The following HS3ST3B1 variants were observed in gnomAD, a reference collection of about 807,000 sequenced individuals.
HS3ST3B1 encodes the protein heparan sulfate glucosamine 3-O-sulfotransferase 3B1.
Under a neutral mutation model 21.3 loss-of-function variants are expected in HS3ST3B1, and 13 were observed. The ratio of observed to expected loss-of-function variants is 0.61; its 90% confidence interval spans 0.40 to 0.97. The LOEUF (loss-of-function observed/expected upper bound fraction) is 0.97. HS3ST3B1 is among the 50% of genes least tolerant of loss of function. The pLI, the probability that HS3ST3B1 is intolerant of heterozygous loss-of-function variation, is 0.00. For synonymous variants in HS3ST3B1, 234 were observed against 254.8 expected (o/e 0.92, Z 0.78); for missense variants, 459 against 554.8 (o/e 0.83, Z 1.73).
intron 1 of HS3ST3B1, among the ~76,000 whole-genome samples, chr17:14,326,474 AT>A (rs1909820738): frequency 6.6e-6 from 1 of 152,158 alleles, no homozygotes; most frequent in Non-Finnish European, 1.5e-5. Context: ...TTCTAACCTT[AT>A]TTGCCATCAT....
rs34065582 is a variant in HS3ST3B1 at position 14,322,898 on chromosome 17, C to CTTTTTTTTTTT, written c.554+20838_554+20848dup. Among the ~76,000 whole-genome samples, 11 of 94,586 alleles carry CTTTTTTTTTTT rather than the reference C, an allele frequency of 1.2e-4. 1 individual carries two copies. The highest frequency in any genetic ancestry group is 1.5e-4 in the Non-Finnish European group (7 of 46,128). The allele number at this position is 94,586 out of a possible 152,430, so 62.1% of individuals were successfully genotyped here. ...TGAGAAGCGAGATTTGTGTCTATGT[C>CTTTTTTTTTTT]TTTTTTTTTTTTTTTTTTTTTTGTT... On this transcript the variant is annotated intron_variant, in intron 1 of 1. Transcript: ENST00000360954.
At chr17:14,313,093 G>GGT (rs1555548187) in intron 1 of HS3ST3B1, among the ~76,000 whole-genome samples, 45 of 68,082 alleles carry the variant, frequency 6.6e-4, no homozygotes, top group East Asian at 2.3e-3. Flanking sequence ...GTGTGTGTGT[G>GGT]GTGTGTGTGT....
At chr17:14,329,349 GAAA>G (rs1909914971) in intron 1 of HS3ST3B1, 8 of 100,538 alleles carry the variant, frequency 8.0e-5, no homozygotes, top group East Asian at 2.9e-4. Context: ...AAGAAAGAAA[GAAA>G]GAAAGAAAGA....
At chr17:14,331,873 T>C (rs994250545) in intron 1 of HS3ST3B1, among the ~76,000 whole-genome samples, 2 of 152,084 alleles carry the variant, frequency 1.3e-5, no homozygotes, top group African/African-American at 4.8e-5. Flanking sequence ...TGAGGCTTCC[T>C]AGGAAAGGAA....
At chr17:14,302,957 G>T (rs1368225850) in intron 1 of HS3ST3B1, among the ~76,000 whole-genome samples, 2 of 152,176 alleles carry the variant, frequency 1.3e-5, no homozygotes, top group African/African-American at 4.8e-5. Context: ...CGCGGCTTCC[G>T]GAAATTCTGT....
At chr17:14,329,044 C>G (rs936883453) in intron 1 of HS3ST3B1, 133 of 152,116 alleles carry the variant, frequency 8.7e-4, no homozygotes, top group African/African-American at 2.9e-3. Context: ...AAGTAGGGTT[C>G]TGTTGGTTGA....
intron 1 of HS3ST3B1, among the ~76,000 whole-genome samples, chr17:14,335,996 A>G (rs1207898806): frequency 6.6e-6 from 1 of 152,216 alleles, no homozygotes; most frequent in African/African-American, 2.4e-5. Context: ...AAAAAACGAG[A>G]AAGAGTCTTT....
At position 14,346,022 on chromosome 17, in the gene HS3ST3B1, C is replaced by T. The variant is rs902130060; in HGVS notation, c.*376C>T. 5.4e-5 allele frequency: 11 copies of T among 203,772 alleles called. No individual in the cohort carries two copies. Among genetic ancestry groups the T allele is most frequent in the Non-Finnish European group, 8.9e-5 (9 of 101,018 alleles). 12.6% of individuals were successfully genotyped at this position (203,772 alleles called of 1,614,324 possible). A position where few individuals can be genotyped will look rare whatever the true frequency, so the allele number is the denominator to read the frequency against. On this transcript the variant is annotated 3_prime_UTR_variant, in exon 2 of 2. Transcript: ENST00000360954. ...TCTTGTCTTGGGTCTCCCATTCCAG[C>T]TTCCCTGTCTCTTCCTGCCTGTGTA... is the stretch of plus-strand genomic sequence containing the variant.
chr17:14,338,402 A>C (rs879521582), intron 1 of HS3ST3B1, among the ~76,000 whole-genome samples: 1 of 151,540 alleles, frequency 6.6e-6, no homozygotes, highest in African/African-American at 2.4e-5. Context: ...AGGATTACAG[A>C]TGTGAGCCAA....
chr17:14,313,102 G>GTGTATATATATACATATATATATA, intron 1 of HS3ST3B1, among the ~76,000 whole-genome samples: 3 of 95,692 alleles, frequency 3.1e-5, no homozygotes, highest in East Asian at 7.9e-4. Context: ...TGGTGTGTGT[G>GTGTATATATATACATATATATATA]TGTGTGTATA....
At chr17:14,330,084 C>A (rs35455107) in intron 1 of HS3ST3B1, among the ~76,000 whole-genome samples, 2,592 of 152,332 alleles carry the variant, frequency 0.017, 37 homozygotes, top group Non-Finnish European at 0.028. Context: ...CACAGCCTGA[C>A]CTTGAACTCC....
chr17:14,338,500 T>A (rs1324026969), intron 1 of HS3ST3B1, among the ~76,000 whole-genome samples: 1 of 151,460 alleles, frequency 6.6e-6, no homozygotes, highest in Non-Finnish European at 1.5e-5. Flanking sequence ...TGGAGTGCAA[T>A]GGCACCATCT....
intron 1 of HS3ST3B1, among the ~76,000 whole-genome samples, chr17:14,313,102 G>GTGTGTATATATATACATATATATAGA (rs763647286): frequency 1.0e-5 from 1 of 95,676 alleles, no homozygotes; most frequent in South Asian, 4.0e-4. Context: ...TGGTGTGTGT[G>GTGTGTATATATATACATATATATAGA]TGTGTGTATA....
chr17:14,304,264 G>A (rs902747427), intron 1 of HS3ST3B1: 1 of 152,242 alleles, frequency 6.6e-6, no homozygotes, highest in African/African-American at 2.4e-5. Context: ...CCGGGTCCAG[G>A]GGGCACAGGG....
chr17:14,313,126 G>GTGTATATATATATATATATATATA (rs1567637239), intron 1 of HS3ST3B1, among the ~76,000 whole-genome samples: 1 of 48,788 alleles, frequency 2.0e-5, no homozygotes, highest in Non-Finnish European at 3.8e-5. Context: ...ATATATATGT[G>GTGTATATATATATATATATATATA]TGTGTGTGTA....
intron 1 of HS3ST3B1, chr17:14,304,242 C>G (rs1909053071): frequency 6.6e-6 from 1 of 152,176 alleles, no homozygotes; most frequent in Admixed American, 6.5e-5. Flanking sequence ...CCTGAACTGA[C>G]AAGCAGGACT....
At chr17:14,339,901 T>A (rs1281150721) in intron 1 of HS3ST3B1, among the ~76,000 whole-genome samples, 1 of 151,794 alleles carries the variant, frequency 6.6e-6, no homozygotes. Context: ...ATCAGAGAGG[T>A]TTCTGAGAGT....
chr17:14,340,986 G>C (rs1385133109), intron 1 of HS3ST3B1, among the ~76,000 whole-genome samples: 3 of 152,092 alleles, frequency 2.0e-5, no homozygotes, highest in African/African-American at 4.8e-5. Flanking sequence ...AAATTCTGAG[G>C]CTCCTTGAGT....
chr17:14,318,882 C>T lies in HS3ST3B1; in HGVS notation c.554+16810C>T, dbSNP rs571824131. Reference sequence around the variant, plus strand: ...TTCTGCGAAAAGAGCATTTGCCAGGCAGCAGATGTACTGGCTTCCTCAAGA... The same window carrying T: ...TTCTGCGAAAAGAGCATTTGCCAGGTAGCAGATGTACTGGCTTCCTCAAGA... On this transcript the variant is annotated intron_variant, in intron 1 of 1. Transcript: ENST00000360954. 2.0e-5 allele frequency among the ~76,000 whole-genome samples: 3 copies of T among 152,332 alleles called. No homozygotes were observed. The South Asian group carries it at 6.2e-4, about 32-fold the overall frequency.
Sources: allele counts gnomAD v4.1 joint callset (sites outside exome capture counted in the v4.1 genomes callset), GRCh38; gene constraint gnomAD v4.1.1; transcripts MANE v1.5; gene names NCBI Gene and HGNC (gene_info 2026-07-23, HGNC 2026-07-21).